Variants in NTRK2 observed in about 807,000 individuals in gnomAD.
The protein encoded by NTRK2 is neurotrophic receptor tyrosine kinase 2.
A neutral mutation model predicts 94.5 loss-of-function variants in NTRK2; 13 were observed. The ratio of observed to expected loss-of-function variants is 0.14; its 90% CI spans 0.09 to 0.22. The LOEUF (loss-of-function observed/expected upper bound fraction) is 0.22, where lower values mean the gene tolerates loss of function less well. NTRK2 is among the 10% of genes least tolerant of loss of function. The probability of loss-of-function intolerance (pLI) is 1.00; values close to 1 mark genes in which losing one functional copy is unlikely to be tolerated. For synonymous variants in NTRK2, 372 were observed against 407.4 expected (o/e 0.91, Z 1.05); for missense variants, 639 against 1,071.2 (o/e 0.60, Z 5.63).
At chr9:84,890,470 G>T (rs1370409878) in intron 14 of NTRK2, among the ~76,000 whole-genome samples, 1 of 152,184 alleles carries the variant, frequency 6.6e-6, no homozygotes, top group Admixed American at 6.5e-5. Flanking sequence ...TCTTAGCCTT[G>T]GCTTTAGGTT....
At chr9:84,678,392 G>T (rs954457946) in intron 2 of NTRK2, among the ~76,000 whole-genome samples, 7 of 152,180 alleles carry the variant, frequency 4.6e-5, no homozygotes, top group Non-Finnish European at 1.0e-4. Flanking sequence ...AAACAAAATT[G>T]AAAGGTATCG....
At chr9:84,939,192 T>C (rs931652938) in intron 15 of NTRK2, among the ~76,000 whole-genome samples, 2 of 151,890 alleles carry the variant, frequency 1.3e-5, no homozygotes, top group Non-Finnish European at 2.9e-5. Context: ...GATATATATA[T>C]AGAATAACGT....
rs543183161 is a variant in NTRK2, at chr9:84,711,795, T to G, written c.583+1004T>G. Among the ~76,000 whole-genome samples, 579 of 152,342 alleles carry G rather than the reference T, an allele frequency of 3.8e-3. 1 individual carries two copies. The highest frequency in any genetic ancestry group is 0.017 in the South Asian group (81 of 4,816). On this transcript the variant is annotated intron_variant, in intron 6 of 18. Transcript: ENST00000277120. ...ATAAAAATAAAGATATGAGTCTGTT[T>G]CTTACCCTGAATGACCTTAGAAGAC...
intron 14 of NTRK2, among the ~76,000 whole-genome samples, chr9:84,924,082 C>T (rs1049626979): frequency 4.6e-5 from 7 of 151,922 alleles, no homozygotes; most frequent in African/African-American, 1.2e-4. Context: ...CGTGGTGGCA[C>T]GCATCTGTAG....
chr9:84,814,624 C>G (rs991494216), intron 12 of NTRK2: 1 of 1,065,590 alleles, frequency 9.4e-7, no homozygotes, highest in African/African-American at 1.6e-5. Context: ...ACACCTCCGC[C>G]TGTTTTGGTG....
intron 14 of NTRK2, among the ~76,000 whole-genome samples, chr9:84,880,580 A>G (rs2076225038): frequency 6.6e-6 from 1 of 152,242 alleles, no homozygotes; most frequent in African/African-American, 2.4e-5. Context: ...TTTAAAAACA[A>G]GAGTTGGCAT....
chr9:84,874,290 G>A (rs201026880), intron 14 of NTRK2: 39 of 1,065,336 alleles, frequency 3.7e-5, no homozygotes, highest in Non-Finnish European at 4.2e-5. Context: ...CTCTGGTTAA[G>A]TAGAGATGGC....
intron 14 of NTRK2, among the ~76,000 whole-genome samples, chr9:84,881,674 A>G (rs1187956411): frequency 6.6e-6 from 1 of 152,218 alleles, no homozygotes; most frequent in Non-Finnish European, 1.5e-5. Context: ...AGGCATCTCT[A>G]GTATTTGCCT....
intron 17 of NTRK2, among the ~76,000 whole-genome samples, chr9:85,013,170 CCT>C (rs2133535968): frequency 6.6e-6 from 1 of 152,248 alleles, no homozygotes; most frequent in African/African-American, 2.4e-5. Flanking sequence ...CAAAGTATCC[CCT>C]GATTGAATAG....
intron 12 of NTRK2, among the ~76,000 whole-genome samples, chr9:84,834,287 A>G (rs1380419337): frequency 6.6e-6 from 1 of 152,228 alleles, no homozygotes; most frequent in Non-Finnish European, 1.5e-5. Context: ...GATGAAATTT[A>G]AATTTAGCTG....
intron 12 of NTRK2, among the ~76,000 whole-genome samples, chr9:84,786,549 G>T (rs1035339661): frequency 1.4e-4 from 21 of 152,062 alleles, no homozygotes; most frequent in African/African-American, 4.6e-4. Context: ...TCCAAAATAG[G>T]ATATGTTGTT....
chr9:84,789,398 T>A (rs74555581), intron 12 of NTRK2, among the ~76,000 whole-genome samples: 2,805 of 152,272 alleles, frequency 0.018, 83 homozygotes, highest in African/African-American at 0.064. Context: ...AGCCTTTGCC[T>A]TCAAGAGTTG....
chr9:84,903,880 C>T (rs1017970890), intron 14 of NTRK2, among the ~76,000 whole-genome samples: 1 of 152,102 alleles, frequency 6.6e-6, no homozygotes, highest in African/African-American at 2.4e-5. Context: ...GATGCATCCA[C>T]CATTACTGAT....
intron 16 of NTRK2, among the ~76,000 whole-genome samples, chr9:84,950,538 T>C (rs939642543): frequency 6.6e-6 from 1 of 152,174 alleles, no homozygotes; most frequent in Admixed American, 6.5e-5. Context: ...ATCACCTTTG[T>C]TCTCAGGTAG....
At chr9:84,984,399 G>A (rs577403982) in intron 17 of NTRK2, among the ~76,000 whole-genome samples, 13 of 152,258 alleles carry the variant, frequency 8.5e-5, no homozygotes, top group African/African-American at 2.9e-4. Flanking sequence ...TTGAACCCGG[G>A]AGGCGGAGGT....
intron 2 of NTRK2, among the ~76,000 whole-genome samples, chr9:84,685,840 C>T (rs115549027): frequency 0.012 from 1,840 of 152,292 alleles, 33 homozygotes; most frequent in African/African-American, 0.042. Context: ...CACATCGCAG[C>T]GTAGGTCACT....
chr9:84,797,682 AC>A, intron 12 of NTRK2, among the ~76,000 whole-genome samples: 2 of 80,284 alleles, frequency 2.5e-5, no homozygotes, highest in African/African-American at 5.4e-5. Flanking sequence ...TATTATATAT[AC>A]TATAATATAT....
rs1185698002 is a variant in NTRK2 at position 85,022,318 on chromosome 9, T to C, written c.*881T>C. On this transcript the variant is annotated 3_prime_UTR_variant, in exon 19 of 19. Coordinates refer to ENST00000277120, the MANE Select transcript of NTRK2 (RefSeq NM_006180.6). ...GATAGCGTGCAGTAGAGAGCAAAGA[T>C]GGCTTCCGTGAGACACAAGATGGCG... The C allele has an allele frequency of 8.6e-6, 2 of 233,100 alleles. No homozygotes were observed. Among genetic ancestry groups the C allele is most frequent in the Non-Finnish European group, 1.7e-5 (2 of 118,012 alleles). 14.4% of individuals were successfully genotyped at this position (233,100 alleles called of 1,614,324 possible).
At chr9:84,699,680 A>G (rs1420047433) in intron 2 of NTRK2, among the ~76,000 whole-genome samples, 1 of 150,858 alleles carries the variant, frequency 6.6e-6, no homozygotes, top group African/African-American at 2.4e-5. Flanking sequence ...TTTTTTTCTA[A>G]CGAGTGTATG....
Sources: gnomAD v4.1 joint callset for allele counts (sites outside exome capture counted in the v4.1 genomes callset) on GRCh38, gnomAD v4.1.1 for gene constraint, MANE v1.5 for transcripts, NCBI Gene and HGNC (gene_info 2026-07-23, HGNC 2026-07-21) for gene names.